Variants in SH3RF1 observed in about 807,000 individuals in gnomAD.
SH3RF1 encodes the protein E3 ubiquitin-protein ligase SH3RF1.
A neutral mutation model predicts 74.0 loss-of-function variants in SH3RF1; 32 were observed. The observed-to-expected ratio is 0.43, with a 90% CI of 0.33 to 0.58. The LOEUF (loss-of-function observed/expected upper bound fraction) is 0.58, where lower values mean the gene tolerates loss of function less well. SH3RF1 is among the 20% of genes least tolerant of loss of function. SH3RF1 has a pLI of 0.05. For missense variants in SH3RF1, 954 were observed against 1,130.9 expected (o/e 0.84, Z 2.24); for synonymous variants, 396 against 439.6 (o/e 0.90, Z 1.24).
Position 169,117,531 on chromosome 4 carries a change from A to G in SH3RF1, c.1769T>C (p.Val590Ala), listed in dbSNP as rs1161016905. 1 of 1,614,084 alleles carries G rather than the reference A, an allele frequency of 6.2e-7. No homozygotes were observed. The highest frequency in any genetic ancestry group is 2.2e-5 in the East Asian group (1 of 44,906). ...CCTGGGTTCCTCCTTACCTGTCCTC[A>G]CAGCATTGCGGGCCTGGTTGACTGT... ...QMTVNQARNA[V>A]RTVAAHNQER... Residue 590 changes from valine (V) to alanine (A), a missense_variant, in exon 9 of 12, where the codon GTG becomes GCG. Transcript: ENST00000284637.
chr4:169,176,056 A>T (rs1304397555), intron 2 of SH3RF1, among the ~76,000 whole-genome samples: 2 of 152,192 alleles, frequency 1.3e-5, no homozygotes, highest in Non-Finnish European at 2.9e-5. Context: ...GCCATGGAGC[A>T]CACAGTAAGA....
chr4:169,133,208 A>G (rs1405664862), intron 5 of SH3RF1, among the ~76,000 whole-genome samples: 1 of 152,192 alleles, frequency 6.6e-6, no homozygotes, highest in Non-Finnish European at 1.5e-5. Flanking sequence ...AACTGCCTAT[A>G]TCTAGATTTC....
At chr4:169,117,884 C>T (rs1479782994) in intron 8 of SH3RF1, 102 bp from the exon 9 acceptor site, 4 of 1,350,208 alleles carry the variant, frequency 3.0e-6, no homozygotes, top group African/African-American at 1.5e-5. Flanking sequence ...AAACATAGAA[C>T]ATTTTAAAAA....
At position 169,238,079 on chromosome 4, in the gene SH3RF1, T is replaced by C. The variant is rs79574011; in HGVS notation, c.393+30741A>G. 2.0e-3 allele frequency among the ~76,000 whole-genome samples: 301 copies of C among 152,336 alleles called. 3 individuals carry two copies. Among genetic ancestry groups the C allele is most frequent in the East Asian group, 0.017 (87 of 5,190 alleles). On this transcript the variant is annotated intron_variant, in intron 2 of 11. Transcript: ENST00000284637. The stretch of plus-strand genomic sequence containing the variant: ...CCCCTCACACTCTGCCCATTGGCTA[T>C]AAATTTCCAGCTGTCTTTGCTGTAT...
chr4:169,208,619 C>A (rs904513825), intron 2 of SH3RF1, among the ~76,000 whole-genome samples: 1 of 152,058 alleles, frequency 6.6e-6, no homozygotes, highest in Non-Finnish European at 1.5e-5. Context: ...TGTCTTAGTG[C>A]CCCAAGGAGA....
At chr4:169,120,586 A>G (rs1329359967) in intron 8 of SH3RF1, among the ~76,000 whole-genome samples, 1 of 152,208 alleles carries the variant, frequency 6.6e-6, no homozygotes, top group African/African-American at 2.4e-5. Context: ...AAATAACTTA[A>G]AACCCAGTAC....
chr4:169,226,614 A>G (rs1012196134), intron 2 of SH3RF1, among the ~76,000 whole-genome samples: 4 of 152,210 alleles, frequency 2.6e-5, no homozygotes, highest in African/African-American at 9.7e-5. Context: ...ACAGAAAGGC[A>G]CACAACAGCA....
chr4:169,112,296 C>T (rs976372036), intron 10 of SH3RF1, among the ~76,000 whole-genome samples: 1 of 152,140 alleles, frequency 6.6e-6, no homozygotes, highest in African/African-American at 2.4e-5. Flanking sequence ...GAAAGTTGAG[C>T]AAACTGCAAC....
In SH3RF1 at chr4:169,265,535, G is replaced by A. The variant is rs561385303; in HGVS notation, c.393+3285C>T. 3.5e-3 allele frequency among the ~76,000 whole-genome samples: 533 copies of A among 152,256 alleles called. 6 individuals are homozygous for A. The highest frequency in any genetic ancestry group is 0.012 in the African/African-American group (509 of 41,548). The stretch of plus-strand genomic sequence containing the variant: ...TTTGGCCAGACTGGAGTGCAAGGGT[G>A]CGATCTCAGCTCACTGTAAACTCTG... On this transcript the variant is annotated intron_variant, in intron 2 of 11. Coordinates refer to ENST00000284637, the MANE Select transcript of SH3RF1 (RefSeq NM_020870.4).
chr4:169,147,485 G>C (rs1433068493), intron 4 of SH3RF1, among the ~76,000 whole-genome samples: 1 of 152,126 alleles, frequency 6.6e-6, no homozygotes, highest in African/African-American at 2.4e-5. Context: ...GGGCAGGGTG[G>C]GGGAATGGTG....
At chr4:169,136,052 GGTAA>G (rs1733694102) in intron 5 of SH3RF1, among the ~76,000 whole-genome samples, 1 of 152,134 alleles carries the variant, frequency 6.6e-6, no homozygotes, top group South Asian at 2.1e-4. Flanking sequence ...TGGTGAAACT[GGTAA>G]GTATTATATA....
chr4:169,175,106 C>T (rs566783102), intron 2 of SH3RF1, among the ~76,000 whole-genome samples: 2 of 152,278 alleles, frequency 1.3e-5, no homozygotes, highest in Admixed American at 6.5e-5. Context: ...ATGATGCCTC[C>T]GTTCCCATTC....
chr4:169,134,461 G>A (rs1307078502), intron 5 of SH3RF1, among the ~76,000 whole-genome samples: 1 of 152,106 alleles, frequency 6.6e-6, no homozygotes, highest in African/African-American at 2.4e-5. Flanking sequence ...CTCTCTTAAA[G>A]CTATTCCCAT....
intron 2 of SH3RF1, among the ~76,000 whole-genome samples, chr4:169,240,439 C>A (rs115118234): frequency 1.3e-5 from 2 of 152,042 alleles, no homozygotes; most frequent in Non-Finnish European, 2.9e-5. Flanking sequence ...CTCAAGCAAT[C>A]GACCTACCTC....
In SH3RF1 at chr4:169,117,625, C is replaced by T. The variant is rs1733359561; in HGVS notation, c.1675G>A (p.Val559Met). The T allele has an allele frequency of 6.2e-7, 1 of 1,614,096 alleles. No individual in the cohort carries two copies. Among genetic ancestry groups the T allele is most frequent in the Non-Finnish European group, 8.5e-7 (1 of 1,180,040 alleles). ...GTCTGGATGTGAGCTGCTGATACCA[C>T]AGCTGCGGGGACAACACTGGGACTC... ...AGSPSVVPAAVVSAAHIQTSP... is the reference protein window; with the variant it reads ...AGSPSVVPAAMVSAAHIQTSP... The change falls in exon 9 of 12, where the codon GTG becomes ATG. Residue 559 changes from valine (V) to methionine (M), a missense_variant. Physicochemically the swap from Val to Met is conservative, Grantham distance 21 (BLOSUM62 1). Transcript: ENST00000284637.
At chr4:169,220,052 T>C (rs931104866) in intron 2 of SH3RF1, 6 of 152,174 alleles carry the variant, frequency 3.9e-5, no homozygotes, top group Non-Finnish European at 7.3e-5. Context: ...TGGGTTTTGC[T>C]GCAAAGAAAT....
At chr4:169,258,522 C>T (rs376159664) in intron 2 of SH3RF1, among the ~76,000 whole-genome samples, 3 of 152,068 alleles carry the variant, frequency 2.0e-5, no homozygotes, top group African/African-American at 4.8e-5. Context: ...GAAAATAATA[C>T]GATCTACCAA....
intron 2 of SH3RF1, among the ~76,000 whole-genome samples, chr4:169,266,369 C>T (rs1400891199): frequency 1.3e-5 from 2 of 152,234 alleles, no homozygotes; most frequent in East Asian, 3.9e-4. Context: ...TGTCAGAACA[C>T]TTAAGGGAGG....
rs1370992809 is a variant in SH3RF1, at chr4:169,117,698, G to A, written c.1602C>T (p.Ser534=). The change falls in exon 9 of 12, where the codon TCC becomes TCT. Residue 534 remains serine, a synonymous_variant. Transcript: ENST00000284637. ...GCTTCTGGGCAGGCCCTCCTGCCGT[G>A]GAAGGACTGACCATGGTCACTCCCC... ...TSRGVTMVSP[S]TAGGPAQKLQ... is the part of the protein sequence containing the mutation. 1.9e-6 allele frequency: 3 copies of A among 1,614,186 alleles called. No individual in the cohort carries two copies. Among genetic ancestry groups the A allele is most frequent in the African/African-American group, 1.3e-5 (1 of 75,046 alleles).
Sources: gnomAD v4.1 joint callset for allele counts (sites outside exome capture counted in the v4.1 genomes callset) on GRCh38, gnomAD v4.1.1 for gene constraint, MANE v1.5 for transcripts, NCBI Gene and HGNC (gene_info 2026-07-23, HGNC 2026-07-21) for gene names.